The following PRKCQ variants were observed in gnomAD, a reference collection of about 807,000 sequenced individuals.
The protein encoded by PRKCQ is protein kinase C theta type.
PRKCQ carries 41 observed loss-of-function variants against 91.2 expected under a neutral mutation model. The observed-to-expected ratio is 0.45, with a 90% CI of 0.35 to 0.58. PRKCQ has a LOEUF of 0.58. Among genes scored for constraint, PRKCQ ranks in the 20% least tolerant of loss-of-function variants. PRKCQ has a pLI of 0.00. For missense variants in PRKCQ, 673 were observed against 896.5 expected (o/e 0.75, Z 3.18); for synonymous variants, 307 against 316.9 (o/e 0.97, Z 0.33).
Position 6,428,077 on chromosome 10 carries a change from G to A in PRKCQ, c.*130C>T, listed in dbSNP as rs1361290027. 7 of 1,180,676 alleles carry A rather than the reference G, an allele frequency of 5.9e-6. No homozygotes were observed. The highest frequency in any genetic ancestry group is 8.4e-6 in the Non-Finnish European group (7 of 829,474). 73.1% of individuals were successfully genotyped at this position (1,180,676 alleles called of 1,614,324 possible). On this transcript the variant is annotated 3_prime_UTR_variant, in exon 18 of 18. Coordinates refer to ENST00000263125, the MANE Select transcript of PRKCQ (RefSeq NM_006257.5). Reference sequence around the variant, plus strand: ...CTACAGATAAAAGTCACATGGGGGCGAACGGGTCTCAGTCTTTATTGTTGA... The same window carrying A: ...CTACAGATAAAAGTCACATGGGGGCAAACGGGTCTCAGTCTTTATTGTTGA...
intron 1 of PRKCQ, among the ~76,000 whole-genome samples, chr10:6,543,149 C>T (rs897292340): frequency 6.6e-6 from 1 of 152,212 alleles, no homozygotes; most frequent in Non-Finnish European, 1.5e-5. Context: ...TCACCACTGT[C>T]CTTTGAAGTC....
chr10:6,397,636 C>A, the PRKCQ span, among the ~76,000 whole-genome samples: 1 of 151,974 alleles, frequency 6.6e-6, no homozygotes, highest in Non-Finnish European at 1.5e-5. Context: ...TCTAAGATAC[C>A]CTTGCTGGCT....
At chr10:6,444,548 A>T (rs1342096880) in intron 15 of PRKCQ, among the ~76,000 whole-genome samples, 2 of 152,100 alleles carry the variant, frequency 1.3e-5, no homozygotes, top group African/African-American at 4.8e-5. Context: ...GTTGCGGGCA[A>T]GTTGCTTTAT....
chr10:6,415,083 C>T, the PRKCQ span, among the ~76,000 whole-genome samples: 1 of 152,048 alleles, frequency 6.6e-6, no homozygotes. Context: ...CAGCTTCAGC[C>T]TCCCGAGTAG....
At chr10:6,409,010 G>A in the PRKCQ span, among the ~76,000 whole-genome samples, 1 of 152,238 alleles carries the variant, frequency 6.6e-6, no homozygotes, top group Non-Finnish European at 1.5e-5. Flanking sequence ...TTCATGAAGT[G>A]AATTTTGTGC....
chr10:6,467,166 T>C (rs921390632), intron 12 of PRKCQ, among the ~76,000 whole-genome samples: 1 of 152,018 alleles, frequency 6.6e-6, no homozygotes, highest in Non-Finnish European at 1.5e-5. Context: ...CAGCAAATAC[T>C]TCCCAGAAGA....
intron 11 of PRKCQ, among the ~76,000 whole-genome samples, chr10:6,479,793 A>ATT (rs1836487882): frequency 1.3e-5 from 2 of 148,618 alleles, no homozygotes; most frequent in Admixed American, 6.8e-5. Flanking sequence ...AAAAAAAAAA[A>ATT]AATCCAAAAA....
chr10:6,548,073 G>T (rs1290668756), intron 1 of PRKCQ, among the ~76,000 whole-genome samples: 2 of 152,270 alleles, frequency 1.3e-5, no homozygotes, highest in East Asian at 3.9e-4. Context: ...GTGGGTGAAG[G>T]ATATGAGCAG....
intron 15 of PRKCQ, among the ~76,000 whole-genome samples, chr10:6,454,773 C>T (rs1247448658): frequency 6.6e-6 from 1 of 152,114 alleles, no homozygotes; most frequent in East Asian, 1.9e-4. Context: ...ATTGACTCTA[C>T]AGCGAAGACC....
intron 1 of PRKCQ, among the ~76,000 whole-genome samples, chr10:6,574,163 T>G (rs565605876): frequency 6.6e-6 from 1 of 152,162 alleles, no homozygotes; most frequent in African/African-American, 2.4e-5. Flanking sequence ...TCTTGTTGTC[T>G]TTCCCTCCTA....
At chr10:6,409,632 T>C in the PRKCQ span, among the ~76,000 whole-genome samples, 3 of 152,246 alleles carry the variant, frequency 2.0e-5, no homozygotes, top group African/African-American at 7.2e-5. Flanking sequence ...GAATTTCCAA[T>C]TGGAATTTCA....
At chr10:6,473,585 C>T (rs1449405628) in intron 12 of PRKCQ, among the ~76,000 whole-genome samples, 1 of 152,160 alleles carries the variant, frequency 6.6e-6, no homozygotes, top group Non-Finnish European at 1.5e-5. Context: ...CAGATGGGGG[C>T]AGCATGAAAA....
chr10:6,462,946 A>G (rs972477597), intron 13 of PRKCQ, among the ~76,000 whole-genome samples: 1 of 151,636 alleles, frequency 6.6e-6, no homozygotes, highest in African/African-American at 2.4e-5. Flanking sequence ...CAGAGGTTGC[A>G]GTGAGCTGAG....
chr10:6,456,842 A>C, intron 14 of PRKCQ, 30 bp from the exon 15 acceptor site: 1 of 1,610,454 alleles, frequency 6.2e-7, no homozygotes, highest in Non-Finnish European at 8.5e-7. Context: ...CAAATCTCAC[A>C]TTAATCAATA....
At chr10:6,554,175 G>A (rs1005058546) in intron 1 of PRKCQ, among the ~76,000 whole-genome samples, 4 of 152,114 alleles carry the variant, frequency 2.6e-5, no homozygotes, top group East Asian at 1.9e-4. Flanking sequence ...ACCCACGACC[G>A]TCAGGAAGAT....
At chr10:6,411,653 C>T in the PRKCQ span, among the ~76,000 whole-genome samples, 1 of 152,180 alleles carries the variant, frequency 6.6e-6, no homozygotes, top group Admixed American at 6.5e-5. Flanking sequence ...ACTGTTTTTG[C>T]ACAGCAGGGT....
intron 1 of PRKCQ, among the ~76,000 whole-genome samples, chr10:6,574,904 G>A (rs1841172683): frequency 6.6e-6 from 1 of 152,134 alleles, no homozygotes; most frequent in Non-Finnish European, 1.5e-5. Flanking sequence ...AGCCGTCACT[G>A]ACAGCTCTGC....
At chr10:6,464,188 G>C (rs1384676305) in intron 13 of PRKCQ, 125 bp downstream of exon 13, 3 of 801,708 alleles carry the variant, frequency 3.7e-6, no homozygotes, top group Admixed American at 4.7e-5. Flanking sequence ...CGCCTTGCTC[G>C]ATGTATTCCC....
chr10:6,537,718 T>C (rs920177030), intron 1 of PRKCQ, among the ~76,000 whole-genome samples: 5 of 152,224 alleles, frequency 3.3e-5, no homozygotes, highest in Non-Finnish European at 7.3e-5. Context: ...AGAGATATGA[T>C]GACTGACCGA....
Sources: allele counts gnomAD v4.1 joint callset (sites outside exome capture counted in the v4.1 genomes callset), GRCh38; gene constraint gnomAD v4.1.1; transcripts MANE v1.5; gene names NCBI Gene and HGNC (gene_info 2026-07-23, HGNC 2026-07-21).